SETD6: variants seen among roughly 807,000 people sequenced by gnomAD.
The protein encoded by SETD6 is SET domain containing 6, protein lysine methyltransferase, also known as N-lysine methyltransferase SETD6.
Under a neutral mutation model 52.7 loss-of-function variants are expected in SETD6, and 67 were observed. That is an observed-to-expected ratio of 1.27 (90% CI 1.04 to 1.56). The LOEUF is 1.56. SETD6 is among the 40% of genes most tolerant of loss of function. The probability of loss-of-function intolerance (pLI) is 0.00; values close to 1 mark genes in which losing one functional copy is unlikely to be tolerated. For missense variants in SETD6, 712 were observed against 607.5 expected (o/e 1.17, Z -1.81); for synonymous variants, 307 against 250.2 (o/e 1.23, Z -2.14).
Position 58,515,948 on chromosome 16 carries a change from C to T in SETD6, c.185C>T (p.Ala62Val), listed in dbSNP as rs2039115525. ...GARAALTSPP[A>V]QVAVSRQGTV... ...CGGGCTGCCCTGACCAGCCCTCCTG[C>T]TCAGGTGGCGGTCAGCCGGCAGGGC... Residue 62 changes from alanine to valine, a missense_variant, in exon 2 of 8, where the codon GCT (alanine) becomes GTT (valine). Transcript: ENST00000219315. 1 of 1,524,942 alleles carries T rather than the reference C, an allele frequency of 6.6e-7. No homozygotes were observed. The allele number at this position is 1,524,942 out of a possible 1,614,324, so 94.5% of individuals were successfully genotyped here.
rs1245094448 is a variant in SETD6, at chr16:58,516,471, C to G, written c.477-7C>G. The G allele has an allele frequency of 1.9e-6, 3 of 1,613,684 alleles. No individual in the cohort carries two copies. The East Asian group carries it at 6.7e-5, about 36-fold the overall frequency. ...TGAAGGGAACCTGGGTGTGGGTGTCCCTGCAGGCCAGAGGAGGAGCGCCGG... is the reference window on the plus strand; with the variant it reads ...TGAAGGGAACCTGGGTGTGGGTGTCGCTGCAGGCCAGAGGAGGAGCGCCGG... On this transcript the variant is annotated splice_polypyrimidine_tract_variant and splice_region_variant and intron_variant, in intron 3 of 7. Coordinates refer to ENST00000219315, the MANE Select transcript of SETD6 (RefSeq NM_001160305.4).
Position 58,522,089 on chromosome 16 carries a change from A to C in SETD6, c.*3060A>C, listed in dbSNP as rs146458697. ...AATCCCAGCACTCTGGGAGGCCAAG[A>C]CGGGTGGATCACGAGGTCGGGAGTT... is the stretch of plus-strand genomic sequence containing the variant. On this transcript the variant is annotated 3_prime_UTR_variant, in exon 8 of 8. Transcript: ENST00000219315. Among the ~76,000 whole-genome samples, 632 of 151,872 alleles carry C rather than the reference A, an allele frequency of 4.2e-3. 5 individuals carry two copies. The highest frequency in any genetic ancestry group is 0.014 in the African/African-American group (591 of 41,392).
At chr16:58,515,585 C>G in intron 1 of SETD6, 21 bp downstream of exon 1, 2 of 1,543,780 alleles carry the variant, frequency 1.3e-6, no homozygotes. Context: ...GGCGCGGGGT[C>G]CAGCCTTTTC....
At position 58,523,236 on chromosome 16, in the gene SETD6, C is replaced by T. The variant is rs2039470192; in HGVS notation, c.*4207C>T. The T allele has an allele frequency of 1.1e-6, 1 of 897,444 alleles. No homozygotes were observed. The highest frequency in any genetic ancestry group is 1.6e-6 in the Non-Finnish European group (1 of 625,914). The allele number at this position is 897,444 out of a possible 1,614,324, so 55.6% of individuals were successfully genotyped here. A position where few individuals can be genotyped will look rare whatever the true frequency, so the allele number is the denominator to read the frequency against. On this transcript the variant is annotated 3_prime_UTR_variant, in exon 8 of 8. Transcript: ENST00000219315. ...CTGCAGACTGAGTGACAGAGCAACA[C>T]TCCGTCTCAAAAAAACAAAAAAAAA... is the stretch of plus-strand genomic sequence containing the variant.
chr16:58,518,315 G>T, intron 6 of SETD6, 84 bp downstream of exon 6: 2 of 1,600,238 alleles, frequency 1.2e-6, no homozygotes, highest in Non-Finnish European at 1.7e-6. Context: ...CTAAATAGCA[G>T]TTGACTTTGT....
Position 58,516,178 on chromosome 16 carries a change from C to A in SETD6, c.335-24C>A, listed in dbSNP as rs773638281. ...CCCGGCCCGCGAGGCCGCGCCGGGGCGCTCACACCTGTGTCTTCCTCAGAG... is the reference window on the plus strand; with the variant it reads ...CCCGGCCCGCGAGGCCGCGCCGGGGAGCTCACACCTGTGTCTTCCTCAGAG... On this transcript the variant is annotated intron_variant, in intron 2 of 7. Transcript: ENST00000219315. 4.1e-6 allele frequency: 6 copies of A among 1,450,612 alleles called. No homozygotes were observed. The Admixed American group carries it at 1.4e-4, about 33-fold the overall frequency. 89.9% of individuals were successfully genotyped at this position (1,450,612 alleles called of 1,614,324 possible). A position where few individuals can be genotyped will look rare whatever the true frequency, so the allele number is the denominator to read the frequency against.
chr16:58,516,972 G>A, intron 5 of SETD6, 44 bp downstream of exon 5: 2 of 1,613,960 alleles, frequency 1.2e-6, no homozygotes, highest in Non-Finnish European at 1.7e-6. Flanking sequence ...CATGATTCAA[G>A]CCATTGTGTC....
chr16:58,523,568 C>T lies in SETD6; in HGVS notation c.*4539C>T. 3 of 1,510,208 alleles carry T rather than the reference C, an allele frequency of 2.0e-6. No homozygotes were observed. The highest frequency in any genetic ancestry group is 2.7e-6 in the Non-Finnish European group (3 of 1,106,770). 93.6% of individuals were successfully genotyped at this position (1,510,208 alleles called of 1,614,324 possible). ...GGCCAACATGGGAAGACAGTTCTAACTGGCTAGGGTTTGGGTTTCTGACAG... is the reference window on the plus strand; with the variant it reads ...GGCCAACATGGGAAGACAGTTCTAATTGGCTAGGGTTTGGGTTTCTGACAG... On this transcript the variant is annotated 3_prime_UTR_variant, in exon 8 of 8. Coordinates refer to ENST00000219315, the MANE Select transcript of SETD6 (RefSeq NM_001160305.4).
chr16:58,522,439 AAGC>A lies in SETD6; in HGVS notation c.*3412_*3414del, dbSNP rs2039429784. On this transcript the variant is annotated 3_prime_UTR_variant, in exon 8 of 8. Coordinates refer to ENST00000219315, the MANE Select transcript of SETD6 (RefSeq NM_001160305.4). ...TAAACAAAATGGATCATCATCATCT[AAGC>A]ATCCAATAAGATATTAAATTTTAGT... 6.6e-6 allele frequency among the ~76,000 whole-genome samples: 1 copy of A among 152,170 alleles called. No individual in the cohort carries two copies. The highest frequency in any genetic ancestry group is 1.5e-5 in the Non-Finnish European group (1 of 68,026).
At position 58,523,201 on chromosome 16, in the gene SETD6, C is replaced by CG; in HGVS notation, c.*4173dup. 2.0e-6 allele frequency: 1 copy of CG among 505,568 alleles called. No homozygotes were observed. Among genetic ancestry groups the CG allele is most frequent in the East Asian group, 3.6e-5 (1 of 27,928 alleles). 31.3% of individuals were successfully genotyped at this position (505,568 alleles called of 1,614,324 possible). A position where few individuals can be genotyped will look rare whatever the true frequency, so the allele number is the denominator to read the frequency against. ...CGGAGGTTGCAGTGAGCCAAGATGGCGCCACTGTACTGCAGACTGAGTGAC... is the reference window on the plus strand; with the variant it reads ...CGGAGGTTGCAGTGAGCCAAGATGGCGGCCACTGTACTGCAGACTGAGTGAC... On this transcript the variant is annotated 3_prime_UTR_variant, in exon 8 of 8. Coordinates refer to ENST00000219315, the MANE Select transcript of SETD6 (RefSeq NM_001160305.4).
chr16:58,523,117 C>T lies in SETD6; in HGVS notation c.*4088C>T, dbSNP rs1242767952. On this transcript the variant is annotated 3_prime_UTR_variant, in exon 8 of 8. Transcript: ENST00000219315. ...AAAATTAGCTGGGCGTGGTGGCAGG[C>T]GCCTGTAATCCCAGCTACTTGAGAG... 5 of 235,318 alleles carry T rather than the reference C, an allele frequency of 2.1e-5. No homozygotes were observed. Among genetic ancestry groups the T allele is most frequent in the East Asian group, 8.3e-5 (1 of 12,026 alleles). 14.6% of individuals were successfully genotyped at this position (235,318 alleles called of 1,614,324 possible).
In SETD6 at chr16:58,520,999, T is replaced by G; in HGVS notation, c.*1970T>G. 3 of 1,614,086 alleles carry G rather than the reference T, an allele frequency of 1.9e-6. No homozygotes were observed. Among genetic ancestry groups the G allele is most frequent in the Non-Finnish European group, 2.5e-6 (3 of 1,180,042 alleles). ...CCTTCCATTACTTGCTGGGCCTGCT[T>G]CTGTCCCATGCAGCACTGTGCGACC... is the stretch of plus-strand genomic sequence containing the variant. On this transcript the variant is annotated 3_prime_UTR_variant, in exon 8 of 8. Coordinates refer to ENST00000219315, the MANE Select transcript of SETD6 (RefSeq NM_001160305.4).
intron 5 of SETD6, 46 bp downstream of exon 5, chr16:58,516,974 C>T (rs1488860072): frequency 6.2e-7 from 1 of 1,613,888 alleles, no homozygotes; most frequent in African/African-American, 1.3e-5. Context: ...TGATTCAAGC[C>T]ATTGTGTCTT....
intron 7 of SETD6, 41 bp from the exon 8 acceptor site, chr16:58,518,683 A>G (rs1322428826): frequency 6.2e-7 from 1 of 1,601,472 alleles, no homozygotes; most frequent in South Asian, 1.1e-5. Context: ...AGAAGTACAA[A>G]AGCAGTACAT....
rs543018335 is a variant in SETD6 at position 58,515,719 on chromosome 16, C to A, written c.28-72C>A. 2,677 of 1,404,048 alleles carry A rather than the reference C, an allele frequency of 1.9e-3. 4 individuals carry two copies. The highest frequency in any genetic ancestry group is 7.4e-3 in the Middle Eastern group (40 of 5,420). The allele number at this position is 1,404,048 out of a possible 1,614,324, so 87.0% of individuals were successfully genotyped here. A position where few individuals can be genotyped will look rare whatever the true frequency, so the allele number is the denominator to read the frequency against. On this transcript the variant is annotated intron_variant, in intron 1 of 7. Transcript: ENST00000219315. The stretch of plus-strand genomic sequence containing the variant: ...CCACCCAAAGCCCGTTCTGCGCTCG[C>A]GCCGCGGTCTCCTGCAGTTCCCAGC...
At chr16:58,515,693 T>A in intron 1 of SETD6, 98 bp from the exon 2 acceptor site, 11 of 1,406,614 alleles carry the variant, frequency 7.8e-6, no homozygotes, top group Non-Finnish European at 1.0e-5. Context: ...CGTCCCCTCC[T>A]CCACCCAAAG....
Position 58,520,779 on chromosome 16 carries a change from T to G in SETD6, c.*1750T>G. 1.6e-6 allele frequency: 1 copy of G among 624,814 alleles called. No homozygotes were observed. The highest frequency in any genetic ancestry group is 2.8e-5 in the East Asian group (1 of 36,216). The allele number at this position is 624,814 out of a possible 1,614,324, so 38.7% of individuals were successfully genotyped here. ...TGGCCAAGAGTCAAAAAAATGCATT[T>G]AAACTTTGGAACGTGCCCACATAAG... is the stretch of plus-strand genomic sequence containing the variant. On this transcript the variant is annotated 3_prime_UTR_variant, in exon 8 of 8. Coordinates refer to ENST00000219315, the MANE Select transcript of SETD6 (RefSeq NM_001160305.4).
Position 58,515,542 on chromosome 16 carries a change from CGACCCAGGCGAAGCGTCCACGGGTGA to C in SETD6, c.7_27+5del. Reference sequence around the variant, plus strand: ...GAGGAAACGCGCTCTTAGACCATGGCGACCCAGGCGAAGCGTCCACGGGTGAGTGGCGGGCGCGGGGTCCAGCCTTT... The same window carrying C: ...GAGGAAACGCGCTCTTAGACCATGGCGTGGCGGGCGCGGGGTCCAGCCTTT... On this transcript the variant is annotated splice_donor_variant and splice_donor_region_variant and coding_sequence_variant and intron_variant, in exon 1 of 8. Coordinates refer to ENST00000219315, the MANE Select transcript of SETD6 (RefSeq NM_001160305.4). LOFTEE classifies it high-confidence loss of function. 6.3e-7 allele frequency: 1 copy of C among 1,587,848 alleles called. No individual in the cohort carries two copies. Among genetic ancestry groups the C allele is most frequent in the South Asian group, 1.1e-5 (1 of 87,932 alleles).
In SETD6 at chr16:58,520,566, A is replaced by AT. The variant is rs1199476966; in HGVS notation, c.*1538dup. Reference sequence around the variant, plus strand: ...TTTGCTATTCTTTGGGACACCAGGAATGTCAGAAGACATGGAGCTATGCCC... The same window carrying AT: ...TTTGCTATTCTTTGGGACACCAGGAATTGTCAGAAGACATGGAGCTATGCCC... On this transcript the variant is annotated 3_prime_UTR_variant, in exon 8 of 8. Transcript: ENST00000219315. The AT allele has an allele frequency of 5.2e-6, 1 of 192,520 alleles. No individual in the cohort carries two copies. The highest frequency in any genetic ancestry group is 1.1e-5 in the Non-Finnish European group (1 of 91,940). The allele number at this position is 192,520 out of a possible 1,614,324, so 11.9% of individuals were successfully genotyped here.
Sources: allele counts gnomAD v4.1 joint callset (sites outside exome capture counted in the v4.1 genomes callset), GRCh38; gene constraint gnomAD v4.1.1; transcripts MANE v1.5; gene names NCBI Gene and HGNC (gene_info 2026-07-23, HGNC 2026-07-21).